Variants in PTPN14 observed in about 807,000 individuals in gnomAD.
PTPN14 encodes the protein protein tyrosine phosphatase non-receptor type 14.
Under a neutral mutation model 126.8 loss-of-function variants are expected in PTPN14, and 53 were observed. The observed-to-expected ratio is 0.42, with a 90% confidence interval of 0.34 to 0.53. PTPN14 has a LOEUF of 0.53. Among genes scored for constraint, PTPN14 ranks in the 20% least tolerant of loss-of-function variants. The pLI is 0.08. For synonymous variants in PTPN14, 630 were observed against 599.3 expected (o/e 1.05, Z -0.75); for missense variants, 1,257 against 1,552.9 (o/e 0.81, Z 3.20).
chr1:214,444,064 T>A (rs372106091), intron 3 of PTPN14, among the ~76,000 whole-genome samples: 1 of 152,154 alleles, frequency 6.6e-6, no homozygotes, highest in Non-Finnish European at 1.5e-5. Context: ...TAACACAGAA[T>A]AGGTACTTAA....
intron 12 of PTPN14, among the ~76,000 whole-genome samples, chr1:214,385,003 G>A (rs923988577): frequency 3.3e-5 from 5 of 152,150 alleles, no homozygotes; most frequent in African/African-American, 1.2e-4. Context: ...AAAAGAAAAA[G>A]GGAACCTAAT....
chr1:214,479,628 C>T (rs933643918), intron 1 of PTPN14, among the ~76,000 whole-genome samples: 7 of 151,950 alleles, frequency 4.6e-5, no homozygotes, highest in African/African-American at 1.2e-4. Context: ...CGTCAGCCAC[C>T]GTACCCGACC....
chr1:214,413,587 C>T (rs977693523), intron 4 of PTPN14, among the ~76,000 whole-genome samples: 1 of 152,160 alleles, frequency 6.6e-6, no homozygotes, highest in African/African-American at 2.4e-5. Flanking sequence ...TGCAGATAAG[C>T]TGGTTTTCAA....
intron 11 of PTPN14, among the ~76,000 whole-genome samples, chr1:214,387,674 CAAA>C (rs67415818): frequency 1.4e-4 from 12 of 85,348 alleles, no homozygotes; most frequent in Admixed American, 4.5e-4. Context: ...AAGACTCCGT[CAAA>C]AAAAAAAAAA....
chr1:214,471,197 G>C (rs1439769455), intron 1 of PTPN14, among the ~76,000 whole-genome samples: 1 of 151,722 alleles, frequency 6.6e-6, no homozygotes, highest in Non-Finnish European at 1.5e-5. Context: ...CAACTTCTAG[G>C]GTCTTTGTCT....
intron 17 of PTPN14, among the ~76,000 whole-genome samples, chr1:214,366,724 T>TG (rs1658088864): frequency 6.6e-6 from 1 of 152,118 alleles, no homozygotes. Flanking sequence ...TACTATGTAT[T>TG]GGCCGGGCGC....
chr1:214,476,383 A>C (rs1209808900), intron 1 of PTPN14, among the ~76,000 whole-genome samples: 1 of 152,168 alleles, frequency 6.6e-6, no homozygotes, highest in African/African-American at 2.4e-5. Flanking sequence ...TTTTCCGGAG[A>C]GGTGCGCCCT....
At chr1:214,503,537 C>T (rs113317698) in intron 1 of PTPN14, among the ~76,000 whole-genome samples, 1 of 152,224 alleles carries the variant, frequency 6.6e-6, no homozygotes. Context: ...TCTATTTTCA[C>T]TTCAAATCTC....
chr1:214,435,243 T>TGTGTGTGTGTGC (rs1431713104), intron 3 of PTPN14, among the ~76,000 whole-genome samples: 1 of 151,722 alleles, frequency 6.6e-6, no homozygotes, highest in Non-Finnish European at 1.5e-5. Flanking sequence ...GTGTCTGCTG[T>TGTGTGTGTGTGC]GTGTGTGTGT....
chr1:214,474,703 C>T (rs1660830557), intron 1 of PTPN14, among the ~76,000 whole-genome samples: 1 of 152,184 alleles, frequency 6.6e-6, no homozygotes. Context: ...CTATCTTGTA[C>T]ATCTCTAACA....
chr1:214,511,400 T>A (rs1258235452), intron 1 of PTPN14, among the ~76,000 whole-genome samples: 1 of 150,828 alleles, frequency 6.6e-6, no homozygotes, highest in African/African-American at 2.4e-5. Context: ...AATAAGCACA[T>A]GAAAGATGCT....
chr1:214,469,239 C>T (rs1400481137), intron 1 of PTPN14, among the ~76,000 whole-genome samples: 1 of 152,174 alleles, frequency 6.6e-6, no homozygotes, highest in Non-Finnish European at 1.5e-5. Flanking sequence ...TTATCCACTA[C>T]TTTTAAGCTC....
At chr1:214,544,272 T>G (rs1199414428) in intron 1 of PTPN14, among the ~76,000 whole-genome samples, 3 of 151,212 alleles carry the variant, frequency 2.0e-5, no homozygotes, top group Non-Finnish European at 2.9e-5. Flanking sequence ...GTACAAAAAT[T>G]TTTTAAAAAT....
At chr1:214,462,326 T>C (rs1572015271) in intron 2 of PTPN14, among the ~76,000 whole-genome samples, 1 of 152,112 alleles carries the variant, frequency 6.6e-6, no homozygotes, top group African/African-American at 2.4e-5. Context: ...AGAAAACCAA[T>C]AGTCTGTTGA....
chr1:214,452,193 T>C (rs1160566465), intron 2 of PTPN14, among the ~76,000 whole-genome samples: 1 of 152,228 alleles, frequency 6.6e-6, no homozygotes, highest in Non-Finnish European at 1.5e-5. Context: ...CCCTACTCAT[T>C]ACTACTGTTT....
At chr1:214,447,452 C>G (rs925208351) in intron 3 of PTPN14, among the ~76,000 whole-genome samples, 2 of 152,048 alleles carry the variant, frequency 1.3e-5, no homozygotes, top group African/African-American at 4.8e-5. Context: ...GTCCATAAGC[C>G]TACAACCTAC....
intron 17 of PTPN14, among the ~76,000 whole-genome samples, chr1:214,365,212 C>G (rs1392316500): frequency 2.0e-5 from 3 of 152,146 alleles, no homozygotes; most frequent in Non-Finnish European, 4.4e-5. Flanking sequence ...TTTGGGGAGT[C>G]TGCTTTTCAG....
At chr1:214,472,564 A>G (rs1305968849) in intron 1 of PTPN14, among the ~76,000 whole-genome samples, 1 of 152,220 alleles carries the variant, frequency 6.6e-6, no homozygotes, top group Non-Finnish European at 1.5e-5. Flanking sequence ...TGAGATCACT[A>G]GCTTTTTGAC....
intron 1 of PTPN14, among the ~76,000 whole-genome samples, chr1:214,483,573 T>G (rs375987148): frequency 4.7e-4 from 72 of 152,330 alleles, no homozygotes; most frequent in African/African-American, 1.7e-3. Flanking sequence ...GTTATGCTAT[T>G]TACAGACTCT....
Sources: allele counts gnomAD v4.1 joint callset (sites outside exome capture counted in the v4.1 genomes callset), GRCh38; gene constraint gnomAD v4.1.1; transcripts MANE v1.5; gene names NCBI Gene and HGNC (gene_info 2026-07-23, HGNC 2026-07-21).